Variants in ATP2A3 observed in about 807,000 individuals in gnomAD.
ATP2A3 encodes ATPase sarcoplasmic/endoplasmic reticulum Ca2+ transporting 3, also known as sarcoplasmic/endoplasmic reticulum calcium ATPase 3.
Under a neutral mutation model 106.8 loss-of-function variants are expected in ATP2A3, and 61 were observed. That is an observed-to-expected ratio of 0.57 (90% CI 0.46 to 0.71). The LOEUF (loss-of-function observed/expected upper bound fraction) is 0.71. Among genes scored for constraint, ATP2A3 ranks in the 30% least tolerant of loss-of-function variants. ATP2A3 has a pLI of 0.00. For synonymous variants in ATP2A3, 611 were observed against 609.3 expected (o/e 1.00, Z -0.04); for missense variants, 1,201 against 1,423.5 (o/e 0.84, Z 2.52).
intron 1 of ATP2A3, among the ~76,000 whole-genome samples, chr17:3,960,377 G>A (rs545710719): frequency 2.0e-5 from 3 of 152,364 alleles, no homozygotes; most frequent in African/African-American, 2.4e-5. Flanking sequence ...CATCCCACCT[G>A]GCAGCCCTGG....
At chr17:3,943,271 C>CAAAAAA in intron 11 of ATP2A3, 120 bp downstream of exon 11, 4 of 1,306,268 alleles carry the variant, frequency 3.1e-6, no homozygotes, top group African/African-American at 1.7e-5. Flanking sequence ...GACTCCGTCT[C>CAAAAAA]AAAAAAAAAA....
rs768791293 is a variant in ATP2A3, at chr17:3,928,243, G to A, written c.2980+420C>T. ...AGGTGATACCAAAGAGGCCAACCCGGTGTGGTCTGGGGTCCAAGAGGTGGT... is the reference window on the plus strand; with the variant it reads ...AGGTGATACCAAAGAGGCCAACCCGATGTGGTCTGGGGTCCAAGAGGTGGT... On this transcript the variant is annotated intron_variant, in intron 20 of 20. Coordinates refer to ENST00000397041, the MANE Select transcript of ATP2A3 (RefSeq NM_005173.4). The surrounding 1 kb of genome is among the most constrained non-coding windows in gnomAD (Gnocchi z 6.1). 3.7e-6 allele frequency: 6 copies of A among 1,613,508 alleles called. No individual in the cohort carries two copies. In the South Asian group the frequency reaches 6.6e-5, roughly 18 times the overall value.
Position 3,941,270 on chromosome 17 carries a change from C to A in ATP2A3, c.1801G>T (p.Asp601Tyr). The change falls in exon 14 of 21, where the codon GAC (aspartate) becomes TAC (tyrosine). Residue 601 changes from aspartate to tyrosine, a missense_variant. Physicochemically the swap from Asp to Tyr is radical, Grantham distance 160. This residue lies in a region of ATP2A3 where 935 missense variants were observed against 1,176.7 expected (regional missense o/e 0.79). Coordinates refer to ENST00000397041, the MANE Select transcript of ATP2A3 (RefSeq NM_005173.4). The part of the protein sequence containing the change: ...LTFVGCVGML[D>Y]PPRPEVAACI... ...GCAGCCACCTCAGGTCGCGGCGGGT[C>A]CAGCATGCCTACGCAGCCCACGAAG... 6.2e-7 allele frequency: 1 copy of A among 1,613,714 alleles called. No individual in the cohort carries two copies. Among genetic ancestry groups the A allele is most frequent in the Non-Finnish European group, 8.5e-7 (1 of 1,179,974 alleles).
In ATP2A3 at chr17:3,954,497, ATTT is replaced by A. The variant is rs3048772; in HGVS notation, c.119-790_119-788del. Among the ~76,000 whole-genome samples, 579 of 129,730 alleles carry A rather than the reference ATTT, an allele frequency of 4.5e-3. 5 individuals are homozygous for A. The highest frequency in any genetic ancestry group is 0.013 in the African/African-American group (452 of 33,706). The allele number at this position is 129,730 out of a possible 152,430, so 85.1% of individuals were successfully genotyped here. ...AGCACCCACCTCAATTGAGGTGCTG[ATTT>A]TTTTTTTTTTTTTTTTAAGAGAGTC... On this transcript the variant is annotated intron_variant, in intron 1 of 20. Coordinates refer to ENST00000397041, the MANE Select transcript of ATP2A3 (RefSeq NM_005173.4).
Position 3,953,773 on chromosome 17 carries a change from G to A in ATP2A3, c.119-63C>T, listed in dbSNP as rs1251154538. 5.2e-6 allele frequency: 8 copies of A among 1,541,012 alleles called. No individual in the cohort carries two copies. The highest frequency in any genetic ancestry group is 2.0e-5 in the Admixed American group (1 of 51,274). ...CAAGAGAGGAGTGGGTCACGCAGGG[G>A]CCTCGGGGGAGTCTGGCAGTGCCTC... is the stretch of plus-strand genomic sequence containing the variant. On this transcript the variant is annotated intron_variant, in intron 1 of 20. Coordinates refer to ENST00000397041, the MANE Select transcript of ATP2A3 (RefSeq NM_005173.4). This position sits in a 1 kb window ranked among gnomAD's most constrained non-coding sequence, Gnocchi z 5.1.
intron 4 of ATP2A3, 23 bp downstream of exon 4, chr17:3,951,558 G>GCCCCCCCCCCCCCCCCCCC: frequency 1.4e-6 from 1 of 716,232 alleles, no homozygotes; most frequent in Non-Finnish European, 2.1e-6. Context: ...CCCCCGCCCG[G>GCCCCCCCCCCCCCCCCCCC]TCCCACCCCC....
At position 3,925,235 on chromosome 17, in the gene ATP2A3, G is replaced by A; in HGVS notation, c.*187C>T. On this transcript the variant is annotated 3_prime_UTR_variant, in exon 21 of 21. Transcript: ENST00000397041. This position sits in a 1 kb window ranked among gnomAD's most constrained non-coding sequence, Gnocchi z 4.2. The stretch of plus-strand genomic sequence containing the variant: ...GAATTACAGACCTCCCAGGCCAGAA[G>A]GAAGTGGGGACAGAGACCCCAGGAC... 2 of 860,508 alleles carry A rather than the reference G, an allele frequency of 2.3e-6. No individual in the cohort carries two copies. The highest frequency in any genetic ancestry group is 3.1e-5 in the South Asian group (2 of 63,510). 53.3% of individuals were successfully genotyped at this position (860,508 alleles called of 1,614,324 possible).
In ATP2A3 at chr17:3,964,340, C is replaced by G; in HGVS notation, c.-49G>C. On this transcript the variant is annotated 5_prime_UTR_variant, in exon 1 of 21. Coordinates refer to ENST00000397041, the MANE Select transcript of ATP2A3 (RefSeq NM_005173.4). ...CGTCCGCACCGTCGAGGCCGCCTCTCCGCCGGGGGGCTACAAAGCGGGGCG... is the reference window on the plus strand; with the variant it reads ...CGTCCGCACCGTCGAGGCCGCCTCTGCGCCGGGGGGCTACAAAGCGGGGCG... 9.5e-7 allele frequency: 1 copy of G among 1,055,422 alleles called. No homozygotes were observed. The highest frequency in any genetic ancestry group is 1.2e-6 in the Non-Finnish European group (1 of 855,310). 65.4% of individuals were successfully genotyped at this position (1,055,422 alleles called of 1,614,324 possible).
At position 3,942,639 on chromosome 17, in the gene ATP2A3, G is replaced by T; in HGVS notation, c.1512C>A (p.His504Gln). 1 of 1,612,972 alleles carries T rather than the reference G, an allele frequency of 6.2e-7. No homozygotes were observed. Among genetic ancestry groups the T allele is most frequent in the Non-Finnish European group, 8.5e-7 (1 of 1,179,884 alleles). Reference sequence around the variant, plus strand: ...ACATCTTGCTGCCCTGGCCAGTAGGGTGAGGGCGGGTGGGCGTGCAGTACA... The same window carrying T: ...ACATCTTGCTGCCCTGGCCAGTAGGTTGAGGGCGGGTGGGCGTGCAGTACA... ...MSVYCTPTRP[H>Q]PTGQGSKMFV... Residue 504 changes from histidine to glutamine, a missense_variant, in exon 12 of 21, where the codon CAC (histidine) becomes CAA (glutamine). Physicochemically the swap from His to Gln is conservative, Grantham distance 24 (BLOSUM62 0). Coordinates refer to ENST00000397041, the MANE Select transcript of ATP2A3 (RefSeq NM_005173.4).
At position 3,930,818 on chromosome 17, in the gene ATP2A3, G is replaced by A; in HGVS notation, c.2611-384C>T. On this transcript the variant is annotated intron_variant, in intron 17 of 20. Transcript: ENST00000397041. The surrounding 1 kb of genome is among the most constrained non-coding windows in gnomAD (Gnocchi z 5.4). ...TGGAATTCACCTTTGCGGTATAGAA[G>A]ATGAAGGCTACGCAGGCCCTGTTCA... 5.5e-6 allele frequency: 2 copies of A among 362,370 alleles called. No homozygotes were observed. Among genetic ancestry groups the A allele is most frequent in the South Asian group, 4.4e-5 (2 of 45,922 alleles). 22.4% of individuals were successfully genotyped at this position (362,370 alleles called of 1,614,324 possible). A position where few individuals can be genotyped will look rare whatever the true frequency, so the allele number is the denominator to read the frequency against.
In ATP2A3 at chr17:3,951,874, AC is replaced by A. The variant is rs2054467601; in HGVS notation, c.220-190del. Among the ~76,000 whole-genome samples, 3 of 151,984 alleles carry A rather than the reference AC, an allele frequency of 2.0e-5. No individual in the cohort carries two copies. The South Asian group carries it at 6.2e-4, about 32-fold the overall frequency. ...GGGTGCCCACCCCACAGGAGTGACC[AC>A]CCCACCCAGGCCAACCTTCAAGGCT... On this transcript the variant is annotated intron_variant, in intron 3 of 20. Coordinates refer to ENST00000397041, the MANE Select transcript of ATP2A3 (RefSeq NM_005173.4).
intron 1 of ATP2A3, 95 bp downstream of exon 1, chr17:3,964,079 G>T: frequency 1.5e-6 from 1 of 676,632 alleles, no homozygotes; most frequent in Non-Finnish European, 1.9e-6. Flanking sequence ...CTCGCTTCCT[G>T]CCCGCCCAGA....
In ATP2A3 at chr17:3,941,125, G is replaced by A. The variant is rs144159559; in HGVS notation, c.1946C>T (p.Ala649Val). The change falls in exon 14 of 21, where the codon GCG becomes GTG. Residue 649 changes from alanine to valine, a missense_variant. Physicochemically the swap from Ala to Val is moderately conservative, Grantham distance 64. Coordinates refer to ENST00000397041, the MANE Select transcript of ATP2A3 (RefSeq NM_005173.4). ...CTCGCGGCCCGTGTAGGCCTTGCCC[G>A]CCACGTCTTCCGTGTCCCCAAAGAT... ...LGIFGDTEDV[A>V]GKAYTGREFD... The A allele has an allele frequency of 1.9e-5, 31 of 1,613,942 alleles. No individual in the cohort carries two copies. The highest frequency in any genetic ancestry group is 4.0e-5 in the African/African-American group (3 of 74,950).
chr17:3,927,718 C>T, intron 20 of ATP2A3: 1 of 984,976 alleles, frequency 1.0e-6, no homozygotes, highest in Non-Finnish European at 1.2e-6. Flanking sequence ...CACCTGCACC[C>T]TCGAGTGAGC....
rs1567726354 is a variant in ATP2A3 at position 3,958,759 on chromosome 17, C to CACATATATAT, written c.119-5050_119-5049insATATATATGT. Among the ~76,000 whole-genome samples, 28 of 95,880 alleles carry CACATATATAT rather than the reference C, an allele frequency of 2.9e-4. 1 individual carries two copies. Among genetic ancestry groups the CACATATATAT allele is most frequent in the Admixed American group, 1.6e-3 (13 of 8,082 alleles). The allele number at this position is 95,880 out of a possible 152,430, so 62.9% of individuals were successfully genotyped here. A position where few individuals can be genotyped will look rare whatever the true frequency, so the allele number is the denominator to read the frequency against. On this transcript the variant is annotated intron_variant, in intron 1 of 20. Transcript: ENST00000397041. ...ATATATATAGACACACATATATATA[C>CACATATATAT]ACACACATATATATACACACACATA...
Position 3,936,582 on chromosome 17 carries a change from C to A in ATP2A3, c.2322-113G>T. ...GCTCACCCACCCACTGTCTCCACAG[C>A]AGCCCCTCCTCCCTCCGCCAGCTGT... is the stretch of plus-strand genomic sequence containing the variant. On this transcript the variant is annotated intron_variant, in intron 15 of 20. Transcript: ENST00000397041. This position sits in a 1 kb window ranked among gnomAD's most constrained non-coding sequence, Gnocchi z 5.4. 8.9e-7 allele frequency: 1 copy of A among 1,119,782 alleles called. No individual in the cohort carries two copies. The highest frequency in any genetic ancestry group is 1.3e-6 in the Non-Finnish European group (1 of 747,128). The allele number at this position is 1,119,782 out of a possible 1,614,324, so 69.4% of individuals were successfully genotyped here.
In ATP2A3 at chr17:3,941,129, C is replaced by T. The variant is rs147356902; in HGVS notation, c.1942G>A (p.Val648Met). The change falls in exon 14 of 21, where the codon GTG (valine) becomes ATG (methionine). Residue 648 changes from valine (V) to methionine (M), a missense_variant. Val to Met is a conservative substitution (Grantham distance 21, BLOSUM62 1). Transcript: ENST00000397041. ...CGGCCCGTGTAGGCCTTGCCCGCCACGTCTTCCGTGTCCCCAAAGATGCCA... is the reference window on the plus strand; with the variant it reads ...CGGCCCGTGTAGGCCTTGCCCGCCATGTCTTCCGTGTCCCCAAAGATGCCA... Reference protein sequence around the residue: ...RLGIFGDTEDVAGKAYTGREF... With the variant: ...RLGIFGDTEDMAGKAYTGREF... 4.9e-4 allele frequency: 795 copies of T among 1,613,980 alleles called. 1 individual carries two copies. The highest frequency in any genetic ancestry group is 1.7e-4 in the Non-Finnish European group (204 of 1,180,002).
chr17:3,944,917 A>G (rs1443364716), intron 9 of ATP2A3, 111 bp from the exon 10 acceptor site: 4 of 1,285,102 alleles, frequency 3.1e-6, no homozygotes, highest in Non-Finnish European at 4.2e-6. Context: ...CGCCCCCAGA[A>G]GGGCTCCGCC....
At position 3,926,821 on chromosome 17, in the gene ATP2A3, G is replaced by A. The variant is rs987088290; in HGVS notation, c.2981-1380C>T. On this transcript the variant is annotated intron_variant, in intron 20 of 20. Coordinates refer to ENST00000397041, the MANE Select transcript of ATP2A3 (RefSeq NM_005173.4). This position sits in a 1 kb window ranked among gnomAD's most constrained non-coding sequence, Gnocchi z 4.6. ...CTGACTCAGGTGATCTGCCCACCTC[G>A]GCCTCCCAAAGTGCTGGGATGACAG... is the stretch of plus-strand genomic sequence containing the variant. 3.2e-5 allele frequency: 31 copies of A among 980,078 alleles called. No individual in the cohort carries two copies. The highest frequency in any genetic ancestry group is 1.4e-4 in the South Asian group (3 of 21,190). 60.7% of individuals were successfully genotyped at this position (980,078 alleles called of 1,614,324 possible). A position where few individuals can be genotyped will look rare whatever the true frequency, so the allele number is the denominator to read the frequency against.
Sources: allele counts gnomAD v4.1 joint callset (sites outside exome capture counted in the v4.1 genomes callset), GRCh38; gene constraint gnomAD v4.1.1; regional missense constraint gnomAD v4.1.1; non-coding constraint Gnocchi (gnomAD v3.1); transcripts MANE v1.5; gene names NCBI Gene and HGNC (gene_info 2026-07-23, HGNC 2026-07-21).